STXBP5L: variants seen among roughly 807,000 people sequenced by gnomAD.
STXBP5L encodes syntaxin-binding protein 5-like.
A neutral mutation model predicts 144.5 loss-of-function variants in STXBP5L; 65 were observed. That is an observed-to-expected ratio of 0.45 (90% CI 0.37 to 0.55). The LOEUF is 0.55. Among genes scored for constraint, STXBP5L ranks in the 20% least tolerant of loss-of-function variants. The pLI, the probability that STXBP5L is intolerant of heterozygous loss-of-function variation, is 0.00. For missense variants in STXBP5L, 1,298 were observed against 1,405.5 expected (o/e 0.92, Z 1.22); for synonymous variants, 505 against 469.6 (o/e 1.08, Z -0.97).
At chr3:120,970,855 T>C (rs147608131) in intron 3 of STXBP5L, among the ~76,000 whole-genome samples, 1 of 152,272 alleles carries the variant, frequency 6.6e-6, no homozygotes, top group East Asian at 1.9e-4. Flanking sequence ...AACAATTCAC[T>C]GGAACTAACT....
rs181213413 is a variant in STXBP5L at position 121,315,737 on chromosome 3, C to T, written c.2111-2738C>T. 3.9e-3 allele frequency among the ~76,000 whole-genome samples: 594 copies of T among 152,176 alleles called. 7 individuals carry two copies. The highest frequency in any genetic ancestry group is 8.4e-3 in the African/African-American group (347 of 41,532). Reference sequence around the variant, plus strand: ...ATGGAAGGGGCCAGGCGTGATGGCTCATGCTTATAATCCCAGCACTTTGGG... The same window carrying T: ...ATGGAAGGGGCCAGGCGTGATGGCTTATGCTTATAATCCCAGCACTTTGGG... On this transcript the variant is annotated intron_variant, in intron 19 of 26. Transcript: ENST00000471454.
chr3:121,365,815 T>C (rs1202015982), intron 20 of STXBP5L, among the ~76,000 whole-genome samples: 1 of 151,834 alleles, frequency 6.6e-6, no homozygotes, highest in African/African-American at 2.4e-5. Context: ...TGCTTTGGGT[T>C]CTTTTTTTCT....
chr3:120,915,001 G>C (rs577235814), intron 2 of STXBP5L, among the ~76,000 whole-genome samples: 1 of 152,082 alleles, frequency 6.6e-6, no homozygotes, highest in African/African-American at 2.4e-5. Context: ...GTAGAAGTAC[G>C]TTTGTAAAAT....
intron 20 of STXBP5L, chr3:121,324,512 TG>T: frequency 2.9e-6 from 2 of 698,736 alleles, no homozygotes; most frequent in Non-Finnish European, 5.2e-6. Context: ...CCAGAACCCC[TG>T]AGTCAGCACT....
At chr3:121,083,054 G>T (rs1329005124) in intron 5 of STXBP5L, among the ~76,000 whole-genome samples, 4 of 151,748 alleles carry the variant, frequency 2.6e-5, no homozygotes, top group Non-Finnish European at 5.9e-5. Context: ...ACAAAAATTA[G>T]CTGGGTGTGG....
chr3:121,167,323 TAAC>T (rs2046535552), intron 9 of STXBP5L, among the ~76,000 whole-genome samples: 1 of 152,104 alleles, frequency 6.6e-6, no homozygotes. Context: ...CATTTCAAAT[TAAC>T]AACCATTGGA....
intron 20 of STXBP5L, among the ~76,000 whole-genome samples, chr3:121,370,010 A>G (rs1436681646): frequency 1.3e-5 from 2 of 152,140 alleles, no homozygotes; most frequent in African/African-American, 4.8e-5. Context: ...TGATTGAATA[A>G]TGGGGGTGGA....
intron 5 of STXBP5L, among the ~76,000 whole-genome samples, chr3:121,112,136 C>T (rs1025554156): frequency 6.6e-6 from 1 of 151,956 alleles, no homozygotes; most frequent in Non-Finnish European, 1.5e-5. Context: ...CCCCTCCCCC[C>T]AGGACTCAGT....
intron 5 of STXBP5L, among the ~76,000 whole-genome samples, chr3:121,112,904 A>C (rs2107819929): frequency 6.6e-6 from 1 of 152,266 alleles, no homozygotes; most frequent in Non-Finnish European, 1.5e-5. Flanking sequence ...ATACAGCAGA[A>C]GTGTTAGTAT....
chr3:120,967,443 T>C (rs1049933494), intron 3 of STXBP5L, among the ~76,000 whole-genome samples: 5 of 152,186 alleles, frequency 3.3e-5, no homozygotes, highest in African/African-American at 4.8e-5. Context: ...TGTGTGATTT[T>C]CTAGAGTAGC....
intron 3 of STXBP5L, among the ~76,000 whole-genome samples, chr3:121,001,614 G>T (rs980034388): frequency 2.0e-5 from 3 of 152,112 alleles, no homozygotes; most frequent in African/African-American, 4.8e-5. Flanking sequence ...GCATCTAGGT[G>T]TCCTTGGTTA....
At chr3:121,205,535 A>C (rs1387040639) in intron 9 of STXBP5L, among the ~76,000 whole-genome samples, 1 of 152,224 alleles carries the variant, frequency 6.6e-6, no homozygotes, top group Non-Finnish European at 1.5e-5. Context: ...GGACACATTC[A>C]AACCATAGCA....
intron 3 of STXBP5L, among the ~76,000 whole-genome samples, chr3:120,972,117 A>G (rs1390681730): frequency 6.6e-6 from 1 of 152,040 alleles, no homozygotes. Flanking sequence ...TGATGTTGGC[A>G]TTGGTAATTT....
intron 5 of STXBP5L, among the ~76,000 whole-genome samples, chr3:121,056,657 C>T (rs904825411): frequency 6.6e-5 from 10 of 152,090 alleles, no homozygotes; most frequent in Admixed American, 5.9e-4. Flanking sequence ...TCAAAAGGTA[C>T]AACAGTGTAT....
intron 3 of STXBP5L, among the ~76,000 whole-genome samples, chr3:121,003,917 T>C (rs942613311): frequency 4.6e-5 from 7 of 152,222 alleles, no homozygotes; most frequent in African/African-American, 1.7e-4. Flanking sequence ...TCTACTCTGT[T>C]TTGGTACCAG....
rs143117558 is a variant in STXBP5L, at chr3:121,161,147, G to A, written c.877+3520G>A. 2.4e-3 allele frequency among the ~76,000 whole-genome samples: 362 copies of A among 151,146 alleles called. 2 individuals carry two copies. The highest frequency in any genetic ancestry group is 8.0e-3 in the African/African-American group (331 of 41,304). On this transcript the variant is annotated intron_variant, in intron 9 of 26. Transcript: ENST00000471454. Reference sequence around the variant, plus strand: ...TTTTCATTTGTTCCTGAAGATACAAGAACATTATTTAATTTTTCTTGTAGG... The same window carrying A: ...TTTTCATTTGTTCCTGAAGATACAAAAACATTATTTAATTTTTCTTGTAGG...
intron 3 of STXBP5L, among the ~76,000 whole-genome samples, chr3:121,017,908 G>T (rs551723599): frequency 6.6e-6 from 1 of 152,118 alleles, no homozygotes; most frequent in South Asian, 2.1e-4. Context: ...TGAGACCCCA[G>T]TTTCTAAACA....
intron 19 of STXBP5L, among the ~76,000 whole-genome samples, chr3:121,289,733 CA>C (rs1291161512): frequency 6.6e-6 from 1 of 151,944 alleles, no homozygotes; most frequent in Non-Finnish European, 1.5e-5. Flanking sequence ...AAAATTCACA[CA>C]GTGGAATAAA....
At chr3:121,285,320 G>A (rs1009205568) in intron 19 of STXBP5L, among the ~76,000 whole-genome samples, 8 of 152,028 alleles carry the variant, frequency 5.3e-5, no homozygotes, top group African/African-American at 1.7e-4. Flanking sequence ...GAATAAGTGG[G>A]ACCCAAACTT....
Sources: gnomAD v4.1 joint callset for allele counts (sites outside exome capture counted in the v4.1 genomes callset) on GRCh38, gnomAD v4.1.1 for gene constraint, MANE v1.5 for transcripts, NCBI Gene and HGNC (gene_info 2026-07-23, HGNC 2026-07-21) for gene names.